OPRK1: variants seen among roughly 807,000 people sequenced by gnomAD.
OPRK1 encodes kappa-type opioid receptor.
OPRK1 carries 15 observed loss-of-function variants against 24.5 expected under a neutral mutation model. That is an observed-to-expected ratio of 0.61 (90% CI 0.41 to 0.94). OPRK1 has a LOEUF of 0.94. Among genes scored for constraint, OPRK1 ranks in the 40% least tolerant of loss-of-function variants. The probability of loss-of-function intolerance (pLI) is 0.00; values close to 1 mark genes in which losing one functional copy is unlikely to be tolerated. For synonymous variants in OPRK1, 205 were observed against 198.0 expected, an observed-to-expected ratio of 1.04 and a Z score of -0.30; for missense variants, 479 against 507.3, an observed-to-expected ratio of 0.94 and a Z score of 0.54.
At chr8:53,246,587 G>A (rs1417949877) in intron 2 of OPRK1, among the ~76,000 whole-genome samples, 1 of 133,986 alleles carries the variant, frequency 7.5e-6, no homozygotes, top group African/African-American at 3.1e-5. Context: ...TAGCTTATAT[G>A]GTAAAGACCC....
In OPRK1 at chr8:53,229,379, C is replaced by T. The variant is rs760499924; in HGVS notation, c.1061G>A (p.Arg354Gln). The change falls in exon 4 of 4, where the codon CGG becomes CAG. Residue 354 changes from arginine (R) to glutamine (Q), a missense_variant. Physicochemically the swap from Arg to Gln is conservative, Grantham distance 43. Transcript: ENST00000265572. The part of the protein sequence containing the change: ...FCFPLKMRME[R>Q]QSTSRVRNTV... ...ATTTCGGACTCTGCTAGTGCTCTGC[C>T]GCTCCATCCTCATCTTCAGTGGAAA... The T allele has an allele frequency of 1.9e-5, 31 of 1,614,044 alleles. No individual in the cohort carries two copies. The highest frequency in any genetic ancestry group is 4.0e-5 in the African/African-American group (3 of 74,908).
chr8:53,249,419 A>G (rs904179480), intron 2 of OPRK1, among the ~76,000 whole-genome samples: 9 of 152,186 alleles, frequency 5.9e-5, no homozygotes, highest in African/African-American at 2.2e-4. Context: ...TGGACAAACA[A>G]TTTAATTTTA....
At chr8:53,247,689 C>T (rs1465093237) in intron 2 of OPRK1, among the ~76,000 whole-genome samples, 14 of 147,022 alleles carry the variant, frequency 9.5e-5, no homozygotes, top group Non-Finnish European at 1.8e-4. Flanking sequence ...AAGTCAGGAA[C>T]CACAGGATTA....
At chr8:53,237,020 A>C (rs969935243) in intron 2 of OPRK1, among the ~76,000 whole-genome samples, 1 of 152,162 alleles carries the variant, frequency 6.6e-6, no homozygotes, top group Non-Finnish European at 1.5e-5. Flanking sequence ...AGTTTCCCCA[A>C]CTATAAAATG....
chr8:53,249,302 G>T (rs539480167), intron 2 of OPRK1, among the ~76,000 whole-genome samples: 4 of 152,098 alleles, frequency 2.6e-5, no homozygotes, highest in Non-Finnish European at 4.4e-5. Context: ...AATAGCTTCT[G>T]TACCAAAGAT....
At chr8:53,242,271 G>A (rs895658701) in intron 2 of OPRK1, among the ~76,000 whole-genome samples, 15 of 152,182 alleles carry the variant, frequency 9.9e-5, no homozygotes, top group African/African-American at 3.6e-4. Flanking sequence ...GGCAGAGGGC[G>A]CTGAGAAGAT....
intron 2 of OPRK1, among the ~76,000 whole-genome samples, chr8:53,250,259 G>T (rs12056411): frequency 1.3e-5 from 2 of 152,074 alleles, no homozygotes; most frequent in Non-Finnish European, 2.9e-5. Flanking sequence ...TATCAACAAC[G>T]CTAGAGCATA....
At chr8:53,242,796 G>C (rs1321172547) in intron 2 of OPRK1, 1 of 1,220,618 alleles carries the variant, frequency 8.2e-7, no homozygotes, top group Admixed American at 2.5e-5. Flanking sequence ...CTGAGCCACC[G>C]CGCCCGGCCA....
In OPRK1 at chr8:53,234,833, T is replaced by C. The variant is rs757511095; in HGVS notation, c.536A>G (p.Asn179Ser). The C allele has an allele frequency of 2.5e-6, 4 of 1,614,212 alleles. No individual in the cohort carries two copies. The highest frequency in any genetic ancestry group is 1.3e-5 in the African/African-American group (1 of 75,052). Residue 179 changes from asparagine (N) to serine (S), a missense_variant, in exon 3 of 4, where the codon AAT (asparagine) becomes AGT (serine). Coordinates refer to ENST00000265572, the MANE Select transcript of OPRK1 (RefSeq NM_000912.5). ...FRTPLKAKII[N>S]ICIWLLSSSV... The stretch of plus-strand genomic sequence containing the variant: ...TGACGACAGCAGCCAGATGCAGATA[T>C]TGATGATCTTTGCCTTCAAGGGTGT...
chr8:53,234,057 A>G (rs62505374), intron 3 of OPRK1, among the ~76,000 whole-genome samples: 13,156 of 151,808 alleles, frequency 0.087, 597 homozygotes, highest in Middle Eastern at 0.15. Flanking sequence ...TTAGCTGGGC[A>G]TGGTGGTGTG....
At chr8:53,230,738 C>T (rs777956232) in intron 3 of OPRK1, among the ~76,000 whole-genome samples, 1 of 152,108 alleles carries the variant, frequency 6.6e-6, no homozygotes, top group South Asian at 2.1e-4. Context: ...CACCAGCTAG[C>T]CCACATTTCC....
chr8:53,245,124 A>G (rs1193816352), intron 2 of OPRK1, among the ~76,000 whole-genome samples: 1 of 152,214 alleles, frequency 6.6e-6, no homozygotes, highest in Non-Finnish European at 1.5e-5. Context: ...GTGCAGGTGC[A>G]ATTTAAAAAA....
chr8:53,245,042 A>C (rs750680356), intron 2 of OPRK1, among the ~76,000 whole-genome samples: 2 of 152,230 alleles, frequency 1.3e-5, no homozygotes, highest in African/African-American at 2.4e-5. Context: ...TACAATGTAA[A>C]GGTTATGTAA....
chr8:53,248,031 GTCACACCCACAT>G (rs140771890), intron 2 of OPRK1, among the ~76,000 whole-genome samples: 13,725 of 146,912 alleles, frequency 0.093, 730 homozygotes, highest in South Asian at 0.17. Context: ...AATCCTGAGG[GTCACACCCACAT>G]TCACACCCAA....
At position 53,229,219 on chromosome 8, in the gene OPRK1, A is replaced by G. The variant is rs960294216; in HGVS notation, c.*78T>C. ...ATTCTATCTTTTCATGTCAGACTGC[A>G]GTAGTGATCTGAGTTAAACCTAGAT... is the stretch of plus-strand genomic sequence containing the variant. On this transcript the variant is annotated 3_prime_UTR_variant, in exon 4 of 4. Transcript: ENST00000265572. 2 of 1,442,752 alleles carry G rather than the reference A, an allele frequency of 1.4e-6. No homozygotes were observed. The highest frequency in any genetic ancestry group is 2.3e-5 in the East Asian group (1 of 43,758). The allele number at this position is 1,442,752 out of a possible 1,614,324, so 89.4% of individuals were successfully genotyped here. A position where few individuals can be genotyped will look rare whatever the true frequency, so the allele number is the denominator to read the frequency against.
intron 2 of OPRK1, among the ~76,000 whole-genome samples, chr8:53,248,951 G>A (rs929938325): frequency 2.6e-5 from 4 of 152,126 alleles, no homozygotes; most frequent in African/African-American, 9.7e-5. Context: ...ACACACTTTA[G>A]TGTTGGATAT....
At chr8:53,242,968 C>T (rs1807151148) in intron 2 of OPRK1, 1 of 1,271,296 alleles carries the variant, frequency 7.9e-7, no homozygotes, top group Admixed American at 2.3e-5. Context: ...TATCCCCACT[C>T]CTAAAATCTA....
rs868094435 is a variant in OPRK1 at position 53,225,742 on chromosome 8, G to A, written c.*3555C>T. ...ACTGTTGTGATTTTCAGCAGGTACA[G>A]TTTTGATTTTATTGCAAGGCACACA... On this transcript the variant is annotated 3_prime_UTR_variant, in exon 4 of 4. Transcript: ENST00000265572. 1 of 152,612 alleles carries A rather than the reference G, an allele frequency of 6.6e-6. No homozygotes were observed. The highest frequency in any genetic ancestry group is 2.1e-4 in the South Asian group (1 of 4,824). The allele number at this position is 152,612 out of a possible 1,614,324, so 9.5% of individuals were successfully genotyped here.
At chr8:53,241,691 C>T (rs1008335401) in intron 2 of OPRK1, among the ~76,000 whole-genome samples, 2 of 152,180 alleles carry the variant, frequency 1.3e-5, no homozygotes, top group African/African-American at 2.4e-5. Flanking sequence ...GTCATACTCA[C>T]ATAGGAGCCA....
Sources: gnomAD v4.1 joint callset for allele counts (sites outside exome capture counted in the v4.1 genomes callset) on GRCh38, gnomAD v4.1.1 for gene constraint, MANE v1.5 for transcripts, NCBI Gene and HGNC (gene_info 2026-07-23, HGNC 2026-07-21) for gene names.